Variants in SLC12A7 observed in about 807,000 individuals in gnomAD.
SLC12A7 encodes the protein solute carrier family 12 member 7.
Under a neutral mutation model 120.6 loss-of-function variants are expected in SLC12A7, and 100 were observed. That is an observed-to-expected ratio of 0.83 (90% CI 0.71 to 0.98). SLC12A7 has a LOEUF of 0.98. Ranked by LOEUF, SLC12A7 falls within the 50% of genes least tolerant of loss-of-function variation. The pLI, the probability that SLC12A7 is intolerant of heterozygous loss-of-function variation, is 0.00. For synonymous variants in SLC12A7, 760 were observed against 678.0 expected (o/e 1.12, Z -1.88); for missense variants, 1,373 against 1,548.1 (o/e 0.89, Z 1.90).
At chr5:1,153,890 G>A in the SLC12A7 span, among the ~76,000 whole-genome samples, 1 of 152,104 alleles carries the variant, frequency 6.6e-6, no homozygotes, top group Non-Finnish European at 1.5e-5. Context: ...CTTTAGGGAG[G>A]AGACCACAGC....
the SLC12A7 span, among the ~76,000 whole-genome samples, chr5:1,120,879 C>T: frequency 3.3e-5 from 5 of 152,232 alleles, no homozygotes; most frequent in Non-Finnish European, 5.9e-5. Flanking sequence ...GCAGAGACGG[C>T]TTCCAGGGCT....
At chr5:1,154,674 G>T in the SLC12A7 span, among the ~76,000 whole-genome samples, 3 of 152,208 alleles carry the variant, frequency 2.0e-5, no homozygotes, top group South Asian at 2.1e-4. Context: ...CCTCGCTGTG[G>T]ACTCTCACAT....
upstream of SLC12A7, among the ~76,000 whole-genome samples, chr5:1,115,840 CG>C (rs1482143364): frequency 7.8e-6 from 1 of 128,242 alleles, no homozygotes; most frequent in Non-Finnish European, 1.5e-5. Flanking sequence ...GAAGGAGAAT[CG>C]GGGGAAGGGG....
Position 1,085,236 on chromosome 5 carries a change from T to C in SLC12A7, c.913A>G (p.Ile305Val), listed in dbSNP as rs1178050957. Residue 305 changes from isoleucine to valine, a missense_variant, in exon 7 of 24, where the codon ATC becomes GTC. Physicochemically the swap from Ile to Val is conservative, Grantham distance 29 (BLOSUM62 3). Coordinates refer to ENST00000264930, the MANE Select transcript of SLC12A7 (RefSeq NM_006598.3). ...CTCAGAGGCCCCGAGACTCACGGGA[T>C]GTCCGGGGGGTCGAAGGCAGACTTG... The part of the protein sequence containing the change: ...VIKSAFDPPD[I>V]PVCLLGNRTL... The C allele has an allele frequency of 3.1e-6, 5 of 1,611,862 alleles. No individual in the cohort carries two copies. Among genetic ancestry groups the C allele is most frequent in the Non-Finnish European group, 3.4e-6 (4 of 1,179,664 alleles).
At chr5:1,074,135 G>A (rs1443760486) in intron 16 of SLC12A7, among the ~76,000 whole-genome samples, 2 of 152,112 alleles carry the variant, frequency 1.3e-5, no homozygotes, top group Non-Finnish European at 2.9e-5. Context: ...TGAGACAATG[G>A]CCCAGGACAC....
chr5:1,077,814 A>G lies in SLC12A7; in HGVS notation c.1629+19T>C. 6.4e-7 allele frequency: 1 copy of G among 1,556,414 alleles called. No individual in the cohort carries two copies. Among genetic ancestry groups the G allele is most frequent in the Non-Finnish European group, 8.7e-7 (1 of 1,151,058 alleles). On this transcript the variant is annotated intron_variant, in intron 12 of 23. Coordinates refer to ENST00000264930, the MANE Select transcript of SLC12A7 (RefSeq NM_006598.3). Reference sequence around the variant, plus strand: ...ACCCTGACCTTCCAGGGTCCCCCCGACGAGGGTGCGGGACTCACCTGCAGG... The same window carrying G: ...ACCCTGACCTTCCAGGGTCCCCCCGGCGAGGGTGCGGGACTCACCTGCAGG...
intron 1 of SLC12A7, among the ~76,000 whole-genome samples, chr5:1,095,968 C>T (rs1479955532): frequency 6.6e-6 from 1 of 152,192 alleles, no homozygotes; most frequent in Non-Finnish European, 1.5e-5. Context: ...GCAGCGGCCC[C>T]ACCCCTCAAA....
chr5:1,110,817 G>A (rs1045845162), intron 1 of SLC12A7, among the ~76,000 whole-genome samples: 8 of 152,224 alleles, frequency 5.3e-5, no homozygotes, highest in Non-Finnish European at 1.0e-4. Flanking sequence ...CTCTTCGCCC[G>A]CCACGGGGAC....
the SLC12A7 span, among the ~76,000 whole-genome samples, chr5:1,145,352 T>TC: frequency 7.6e-4 from 115 of 152,258 alleles, no homozygotes; most frequent in African/African-American, 2.1e-3. This position sits in a 1 kb window ranked among gnomAD's most constrained non-coding sequence, Gnocchi z 4.4. Flanking sequence ...TGGTCACCCC[T>TC]CCCCCTAATT....
chr5:1,149,234 A>G, the SLC12A7 span, among the ~76,000 whole-genome samples: 1 of 150,614 alleles, frequency 6.6e-6, no homozygotes. Context: ...GCAGCGCACA[A>G]GGGTCCCCAC....
the SLC12A7 span, among the ~76,000 whole-genome samples, chr5:1,152,420 T>C: frequency 6.6e-6 from 1 of 152,136 alleles, no homozygotes; most frequent in African/African-American, 2.4e-5. Context: ...GGAAAGCCCC[T>C]GTCAGACCTG....
the SLC12A7 span, among the ~76,000 whole-genome samples, chr5:1,139,821 G>A: frequency 2.0e-5 from 3 of 152,180 alleles, no homozygotes; most frequent in Non-Finnish European, 4.4e-5. Flanking sequence ...GGGCCACTAC[G>A]TCCCCACGGT....
intron 1 of SLC12A7, among the ~76,000 whole-genome samples, chr5:1,100,226 A>G (rs1268999097): frequency 6.6e-6 from 1 of 152,190 alleles, no homozygotes; most frequent in East Asian, 1.9e-4. Context: ...CGGCACCGGG[A>G]CGGCAGGGGC....
intron 17 of SLC12A7, among the ~76,000 whole-genome samples, chr5:1,068,361 G>C (rs1049600656): frequency 6.6e-6 from 1 of 152,260 alleles, no homozygotes; most frequent in Admixed American, 6.5e-5. Context: ...TTCAACTCGG[G>C]AGGTGGAGGT....
At position 1,073,804 on chromosome 5, in the gene SLC12A7, G is replaced by T; in HGVS notation, c.2073-3C>A. 1 of 1,410,694 alleles carries T rather than the reference G, an allele frequency of 7.1e-7. No individual in the cohort carries two copies. The highest frequency in any genetic ancestry group is 9.3e-7 in the Non-Finnish European group (1 of 1,074,390). The allele number at this position is 1,410,694 out of a possible 1,614,324, so 87.4% of individuals were successfully genotyped here. On this transcript the variant is annotated splice_polypyrimidine_tract_variant and splice_region_variant and intron_variant, in intron 16 of 23. Coordinates refer to ENST00000264930, the MANE Select transcript of SLC12A7 (RefSeq NM_006598.3). Reference sequence around the variant, plus strand: ...TCAGCATCACCAGCACCTGGGGCCTGCAGCCAGGGTGGGGCGGCTGTTACC... The same window carrying T: ...TCAGCATCACCAGCACCTGGGGCCTTCAGCCAGGGTGGGGCGGCTGTTACC...
chr5:1,069,153 C>T (rs567015288), intron 17 of SLC12A7, among the ~76,000 whole-genome samples: 1 of 152,374 alleles, frequency 6.6e-6, no homozygotes, highest in South Asian at 2.1e-4. Flanking sequence ...CAGAGCATCT[C>T]CTGTCTTCCC....
upstream of SLC12A7, among the ~76,000 whole-genome samples, chr5:1,113,108 A>C (rs1743166420): frequency 6.6e-6 from 1 of 152,186 alleles, no homozygotes; most frequent in South Asian, 2.1e-4. Flanking sequence ...GAAAAACGGA[A>C]CAATCAGATG....
intron 1 of SLC12A7, among the ~76,000 whole-genome samples, chr5:1,098,697 ACACCCAGCCCCCCTCTAACCCTCTGCT>A (rs1741650577): frequency 4.6e-5 from 1 of 21,938 alleles, no homozygotes; most frequent in Non-Finnish European, 8.3e-5. Context: ...AACCCTCTGC[ACACCCAGCCCCCCTCTAACCCTCTGCT>A]CACCCAGCCC....
chr5:1,059,764 G>T (rs1277713581), intron 21 of SLC12A7, among the ~76,000 whole-genome samples: 1 of 134,888 alleles, frequency 7.4e-6, no homozygotes, highest in Non-Finnish European at 1.6e-5. Context: ...GTGTCGGGGG[G>T]TGGGGGGTGG....
Sources: gnomAD v4.1 joint callset for allele counts (sites outside exome capture counted in the v4.1 genomes callset) on GRCh38, gnomAD v4.1.1 for gene constraint, Gnocchi (gnomAD v3.1) non-coding constraint, MANE v1.5 for transcripts, NCBI Gene and HGNC (gene_info 2026-07-23, HGNC 2026-07-21) for gene names.